Variants in PIEZO2 observed in about 807,000 individuals in gnomAD.
PIEZO2 encodes the protein piezo type mechanosensitive ion channel component 2, also known as piezo-type mechanosensitive ion channel component 2.
PIEZO2 carries 172 observed loss-of-function variants against 337.3 expected under a neutral mutation model. The ratio of observed to expected loss-of-function variants is 0.51; its 90% CI spans 0.45 to 0.58. PIEZO2 has a LOEUF of 0.58. Among genes scored for constraint, PIEZO2 ranks in the 20% least tolerant of loss-of-function variants. The pLI is 0.00. For synonymous variants in PIEZO2, 1,251 were observed against 1,228.5 expected (o/e 1.02, Z -0.38); for missense variants, 3,028 against 3,391.3 (o/e 0.89, Z 2.66).
chr18:11,130,832 T>C (rs918960852), intron 1 of PIEZO2, among the ~76,000 whole-genome samples: 1 of 152,208 alleles, frequency 6.6e-6, no homozygotes, highest in African/African-American at 2.4e-5. Context: ...AGTGTGTTAC[T>C]TCAGCCCATT....
chr18:10,763,095 A>C lies in PIEZO2; in HGVS notation c.2950T>G (p.Ser984Ala). The change falls in exon 22 of 56, where the codon TCT (serine) becomes GCT (alanine). Residue 984 changes from serine (S) to alanine (A), a missense_variant. By Grantham distance (99) the Ser-to-Ala change is moderately conservative (BLOSUM62 1). Around this residue, in one of 5 missense-constraint regions of PIEZO2, gnomAD observed 1,925 missense variants for 2,051.9 expected, o/e 0.94. Transcript: ENST00000674853. ...ATCAAAAATACATAGTTGAACAGAG[A>C]CACCTGAAAACGTAAAACCAGAAAT... The part of the protein sequence containing the change: ...YIIWVSVKEV[S>A]LFNYVFLISW... 1 of 1,536,192 alleles carries C rather than the reference A, an allele frequency of 6.5e-7. No homozygotes were observed. Among genetic ancestry groups the C allele is most frequent in the Non-Finnish European group, 8.7e-7 (1 of 1,146,584 alleles).
At position 10,944,517 on chromosome 18, in the gene PIEZO2, G is replaced by GATATATATATATAT. The variant is rs368272727; in HGVS notation, c.287-33303_287-33290dup. On this transcript the variant is annotated intron_variant, in intron 3 of 55. Transcript: ENST00000674853. ...TATATATATATATATCTTAGTAACAGATATATATATATATATATATATATA... is the reference window on the plus strand; with the variant it reads ...TATATATATATATATCTTAGTAACAGATATATATATATATATATATATATATATATATATATATA... Among the ~76,000 whole-genome samples, 6 of 49,852 alleles carry GATATATATATATAT rather than the reference G, an allele frequency of 1.2e-4. No individual in the cohort carries two copies. The East Asian group carries it at 1.6e-3, about 13-fold the overall frequency. The allele number at this position is 49,852 out of a possible 152,430, so 32.7% of individuals were successfully genotyped here. A position where few individuals can be genotyped will look rare whatever the true frequency, so the allele number is the denominator to read the frequency against.
chr18:10,774,297 G>A (rs887212583), intron 18 of PIEZO2, among the ~76,000 whole-genome samples: 2 of 152,186 alleles, frequency 1.3e-5, no homozygotes, highest in African/African-American at 4.8e-5. Flanking sequence ...TGAGACTGCT[G>A]AGGCAAATTA....
intron 2 of PIEZO2, among the ~76,000 whole-genome samples, chr18:11,010,959 T>G (rs1216601264): frequency 1.3e-5 from 2 of 152,248 alleles, no homozygotes; most frequent in African/African-American, 4.8e-5. Flanking sequence ...TTTTTCAATG[T>G]GCTAAATTGA....
Position 10,748,511 on chromosome 18 carries a change from C to T in PIEZO2, c.4384G>A (p.Val1462Ile). Residue 1462 changes from valine to isoleucine, a missense_variant, in exon 30 of 56, where the codon GTT becomes ATT. Physicochemically the swap from Val to Ile is conservative, Grantham distance 29 (BLOSUM62 3). Around this residue, in one of 5 missense-constraint regions of PIEZO2, gnomAD observed 1,925 missense variants for 2,051.9 expected, o/e 0.94. Coordinates refer to ENST00000674853, the MANE Select transcript of PIEZO2 (RefSeq NM_001378183.1). The surrounding 1 kb of genome is among the most constrained non-coding windows in gnomAD (Gnocchi z 5.1). ...TGGGAAGCTTTTATATCAGCCACAA[C>T]ATGTAGAAAATAATAACTCATGAAA... ...RVFMSYYFLH[V>I]VADIKASQIL... 1 of 1,537,092 alleles carries T rather than the reference C, an allele frequency of 6.5e-7. No homozygotes were observed. The highest frequency in any genetic ancestry group is 8.7e-7 in the Non-Finnish European group (1 of 1,146,852).
Position 11,009,239 on chromosome 18 carries a change from T to C in PIEZO2, c.161-29579A>G, listed in dbSNP as rs2035815679. 6.6e-6 allele frequency among the ~76,000 whole-genome samples: 1 copy of C among 152,234 alleles called. No homozygotes were observed. The highest frequency in any genetic ancestry group is 1.5e-5 in the Non-Finnish European group (1 of 68,046). ...CTCTTATTAAATAATTTTCAATGAA[T>C]TGCTGAGTCTCTGAAGAGTGCTGGG... is the stretch of plus-strand genomic sequence containing the variant. On this transcript the variant is annotated intron_variant, in intron 2 of 55. Transcript: ENST00000674853. This position sits in a 1 kb window ranked among gnomAD's most constrained non-coding sequence, Gnocchi z 4.6.
Position 10,726,507 on chromosome 18 carries a change from C to G in PIEZO2, c.5029+4900G>C. On this transcript the variant is annotated intron_variant, in intron 36 of 55. Coordinates refer to ENST00000674853, the MANE Select transcript of PIEZO2 (RefSeq NM_001378183.1). This position sits in a 1 kb window ranked among gnomAD's most constrained non-coding sequence, Gnocchi z 5.9. ...CACAGCGTGCTGCTCCGCAAGCAGC[C>G]GTTCCTGTGGCGCGCTGCGCTGCTC... The G allele has an allele frequency of 6.7e-6, 10 of 1,490,002 alleles. No homozygotes were observed. The highest frequency in any genetic ancestry group is 8.9e-6 in the Non-Finnish European group (10 of 1,124,534). The allele number at this position is 1,490,002 out of a possible 1,614,324, so 92.3% of individuals were successfully genotyped here. A position where few individuals can be genotyped will look rare whatever the true frequency, so the allele number is the denominator to read the frequency against.
At position 10,942,259 on chromosome 18, in the gene PIEZO2, A is replaced by T. The variant is rs960094886; in HGVS notation, c.287-31031T>A. Among the ~76,000 whole-genome samples the T allele has an allele frequency of 6.6e-6, 1 of 152,212 alleles. No homozygotes were observed. Among genetic ancestry groups the T allele is most frequent in the Admixed American group, 6.5e-5 (1 of 15,286 alleles). On this transcript the variant is annotated intron_variant, in intron 3 of 55. Transcript: ENST00000674853. The surrounding 1 kb of genome is among the most constrained non-coding windows in gnomAD (Gnocchi z 4.4). ...GAAAGCGATTTTGGAACTGGGTAAC[A>T]TGCAGAGGTTGGAACAGCTTAGAGG...
At chr18:11,014,352 G>A (rs1307177356) in intron 2 of PIEZO2, among the ~76,000 whole-genome samples, 1 of 133,882 alleles carries the variant, frequency 7.5e-6, no homozygotes, top group Non-Finnish European at 1.6e-5. Flanking sequence ...TGGTGGGCAC[G>A]TCACCCTGGA....
chr18:10,757,185 G>A lies in PIEZO2; in HGVS notation c.3923+784C>T, dbSNP rs182720636. ...GATAAGCTATGTGGATACGAATGAG[G>A]GATAGAGGATGAGGAGGAGGGGTGG... is the stretch of plus-strand genomic sequence containing the variant. On this transcript the variant is annotated intron_variant, in intron 27 of 55. Transcript: ENST00000674853. 1.7e-3 allele frequency among the ~76,000 whole-genome samples: 257 copies of A among 150,042 alleles called. 1 individual carries two copies. Among genetic ancestry groups the A allele is most frequent in the Middle Eastern group, 0.014 (4 of 290 alleles).
rs1004635091 is a variant in PIEZO2 at position 10,713,875 on chromosome 18, T to G, written c.5423+889A>C. ...CCTCCTAAGACAGGGACTTCTGCTT[T>G]AATTTAGAATCTAGCTCTGTACAAT... On this transcript the variant is annotated intron_variant, in intron 39 of 55. Transcript: ENST00000674853. The surrounding 1 kb of genome is among the most constrained non-coding windows in gnomAD (Gnocchi z 4.5). Among the ~76,000 whole-genome samples, 1 of 152,220 alleles carries G rather than the reference T, an allele frequency of 6.6e-6. No homozygotes were observed. Among genetic ancestry groups the G allele is most frequent in the Non-Finnish European group, 1.5e-5 (1 of 68,030 alleles).
At chr18:10,978,514 T>A (rs1190532613) in intron 3 of PIEZO2, among the ~76,000 whole-genome samples, 1 of 152,216 alleles carries the variant, frequency 6.6e-6, no homozygotes, top group Non-Finnish European at 1.5e-5. Flanking sequence ...ATCAATAAAA[T>A]GGCTGGATTG....
chr18:10,704,745 C>T (rs1329738651), intron 41 of PIEZO2, 93 bp from the exon 42 acceptor site: 30 of 1,418,680 alleles, frequency 2.1e-5, no homozygotes, highest in Non-Finnish European at 2.7e-5. Context: ...AGTGCAATGG[C>T]GTGATCTTGG....
intron 1 of PIEZO2, among the ~76,000 whole-genome samples, chr18:11,087,065 G>GT (rs1464457300): frequency 4.6e-5 from 7 of 152,240 alleles, no homozygotes; most frequent in African/African-American, 1.7e-4. Flanking sequence ...TGGAGTCCTT[G>GT]TGAGTGGGAT....
Position 11,127,786 on chromosome 18 carries a change from C to T in PIEZO2, c.64+20739G>A, listed in dbSNP as rs1002522004. Among the ~76,000 whole-genome samples the T allele has an allele frequency of 7.8e-5, 7 of 89,736 alleles. No homozygotes were observed. Among genetic ancestry groups the T allele is most frequent in the Admixed American group, 3.5e-4 (3 of 8,624 alleles). 58.9% of individuals were successfully genotyped at this position (89,736 alleles called of 152,430 possible). Reference sequence around the variant, plus strand: ...GGTATATATGATATATATGCATATACGTGTGTGTGTGTGTGCATGTGTGTG... The same window carrying T: ...GGTATATATGATATATATGCATATATGTGTGTGTGTGTGTGCATGTGTGTG... On this transcript the variant is annotated intron_variant, in intron 1 of 55. Transcript: ENST00000674853. The surrounding 1 kb of genome is among the most constrained non-coding windows in gnomAD (Gnocchi z 4.5).
intron 3 of PIEZO2, among the ~76,000 whole-genome samples, chr18:10,941,971 C>G (rs2032749923): frequency 6.6e-6 from 1 of 152,134 alleles, no homozygotes; most frequent in African/African-American, 2.4e-5. Flanking sequence ...CTCACGAGAT[C>G]TGATGGTTTT....
chr18:10,721,246 C>T (rs1288974380), intron 36 of PIEZO2, among the ~76,000 whole-genome samples: 1 of 152,164 alleles, frequency 6.6e-6, no homozygotes, highest in Non-Finnish European at 1.5e-5. Flanking sequence ...TAAAATGACC[C>T]TGTGCTGTTG....
At chr18:10,790,936 C>T (rs1263475657) in intron 14 of PIEZO2, among the ~76,000 whole-genome samples, 1 of 152,182 alleles carries the variant, frequency 6.6e-6, no homozygotes, top group Non-Finnish European at 1.5e-5. Flanking sequence ...AATGTCCTGA[C>T]CTCGGGATCC....
At chr18:11,022,825 G>A (rs1332939325) in intron 2 of PIEZO2, among the ~76,000 whole-genome samples, 2 of 152,140 alleles carry the variant, frequency 1.3e-5, no homozygotes, top group Non-Finnish European at 2.9e-5. Flanking sequence ...ATGAAGTCGC[G>A]GACCCTCGAG....
Sources: allele counts gnomAD v4.1 joint callset (sites outside exome capture counted in the v4.1 genomes callset), GRCh38; gene constraint gnomAD v4.1.1; regional missense constraint gnomAD v4.1.1; non-coding constraint Gnocchi (gnomAD v3.1); transcripts MANE v1.5; gene names NCBI Gene and HGNC (gene_info 2026-07-23, HGNC 2026-07-21).